Variants in ZNF470 observed in about 807,000 individuals in gnomAD.
ZNF470 encodes the protein chondrogenesis zinc finger protein 1.
Under a neutral mutation model 13.9 loss-of-function variants are expected in ZNF470, and 13 were observed. The ratio of observed to expected loss-of-function variants is 0.94; its 90% CI spans 0.61 to 1.49. The LOEUF is 1.49. Ranked by LOEUF, ZNF470 falls within the 40% of genes most tolerant of loss-of-function variation. ZNF470 has a pLI of 0.00. For synonymous variants in ZNF470, 293 were observed against 282.9 expected (o/e 1.04, Z -0.36); for missense variants, 929 against 857.3 (o/e 1.08, Z -1.04).
Position 56,578,526 on chromosome 19 carries a change from T to C in ZNF470, c.2097T>C (p.His699=), listed in dbSNP as rs542352218. The C allele has an allele frequency of 1.4e-5, 22 of 1,593,698 alleles. 1 individual carries two copies. The South Asian group carries it at 2.2e-4, about 16-fold the overall frequency. Residue 699 remains histidine (H), a synonymous_variant, in exon 6 of 6, where the codon CAT becomes CAC. Coordinates refer to ENST00000330619, the MANE Select transcript of ZNF470 (RefSeq NM_001001668.4). Reference sequence around the variant, plus strand: ...ATCTTGCTCATCATCAGCGAATTCATACCGGAGAGTCATCAGTTATTCTCT... The same window carrying C: ...ATCTTGCTCATCATCAGCGAATTCACACCGGAGAGTCATCAGTTATTCTCT... ...SVHLAHHQRI[H]TGESSVILSS... is the part of the protein sequence containing the mutation.
Position 56,567,568 on chromosome 19 carries a change from C to G in ZNF470, c.-629C>G, listed in dbSNP as rs62124110. On this transcript the variant is annotated 5_prime_UTR_variant, in exon 1 of 6. Transcript: ENST00000330619. ...CAGCGGCCGAGGCTGGACTGGGGCGCGGCGGGGGCGGTGTCCTGGTTCCTG... is the reference window on the plus strand; with the variant it reads ...CAGCGGCCGAGGCTGGACTGGGGCGGGGCGGGGGCGGTGTCCTGGTTCCTG... 15 of 986,850 alleles carry G rather than the reference C, an allele frequency of 1.5e-5. No homozygotes were observed. Among genetic ancestry groups the G allele is most frequent in the Non-Finnish European group, 1.8e-5 (15 of 831,150 alleles). 61.1% of individuals were successfully genotyped at this position (986,850 alleles called of 1,614,324 possible). A position where few individuals can be genotyped will look rare whatever the true frequency, so the allele number is the denominator to read the frequency against.
chr19:56,578,937 TA>T lies in ZNF470; in HGVS notation c.*356del. ...ATTAAGCAGCAAGTAAACCAAACAG[TA>T]AGTCTAAGACTAAGATTTTAGAGCA... On this transcript the variant is annotated 3_prime_UTR_variant, in exon 6 of 6. Transcript: ENST00000330619. The T allele has an allele frequency of 9.9e-7, 1 of 1,011,078 alleles. No homozygotes were observed. 62.6% of individuals were successfully genotyped at this position (1,011,078 alleles called of 1,614,324 possible). A position where few individuals can be genotyped will look rare whatever the true frequency, so the allele number is the denominator to read the frequency against.
intron 2 of ZNF470, 195 bp from the exon 3 acceptor site, chr19:56,570,085 C>T: frequency 2.0e-6 from 1 of 511,150 alleles, no homozygotes; most frequent in Non-Finnish European, 3.5e-6. Flanking sequence ...AGATATTATG[C>T]TCATCCTGAA....
chr19:56,579,283 G>A lies in ZNF470; in HGVS notation c.*700G>A, dbSNP rs184996849. The A allele has an allele frequency of 6.7e-6, 4 of 596,374 alleles. No individual in the cohort carries two copies. Among genetic ancestry groups the A allele is most frequent in the African/African-American group, 2.0e-5 (1 of 49,290 alleles). 36.9% of individuals were successfully genotyped at this position (596,374 alleles called of 1,614,324 possible). On this transcript the variant is annotated 3_prime_UTR_variant, in exon 6 of 6. Coordinates refer to ENST00000330619, the MANE Select transcript of ZNF470 (RefSeq NM_001001668.4). ...CAAAAAATACAGAAATTAGCCAGGC[G>A]TGGTGGTGCACACCTGTAGTCCTAG...
rs2044491144 is a variant in ZNF470 at position 56,576,746 on chromosome 19, C to A, written c.317C>A (p.Ser106Tyr). ...LECVWVTKSL[S>Y]LNQDIYEEKL... ...TGTGTGTGGGTGACCAAATCATTAT[C>A]TTTAAACCAGGATATTTATGAAGAA... is the stretch of plus-strand genomic sequence containing the variant. The change falls in exon 6 of 6, where the codon TCT (serine) becomes TAT (tyrosine). Residue 106 changes from serine (S) to tyrosine (Y), a missense_variant. Physicochemically the swap from Ser to Tyr is moderately radical, Grantham distance 144. Transcript: ENST00000330619. 1.3e-6 allele frequency: 2 copies of A among 1,500,886 alleles called. No individual in the cohort carries two copies. Among genetic ancestry groups the A allele is most frequent in the African/African-American group, 2.8e-5 (2 of 71,294 alleles). 93.0% of individuals were successfully genotyped at this position (1,500,886 alleles called of 1,614,324 possible). A position where few individuals can be genotyped will look rare whatever the true frequency, so the allele number is the denominator to read the frequency against.
chr19:56,581,761 T>C lies in ZNF470; in HGVS notation c.*3178T>C, dbSNP rs1568498005. The C allele has an allele frequency of 5.1e-6, 5 of 985,438 alleles. No homozygotes were observed. Among genetic ancestry groups the C allele is most frequent in the Non-Finnish European group, 6.0e-6 (5 of 829,934 alleles). 61.0% of individuals were successfully genotyped at this position (985,438 alleles called of 1,614,324 possible). A position where few individuals can be genotyped will look rare whatever the true frequency, so the allele number is the denominator to read the frequency against. ...TCCTTTTGGCTGCACTATCTCATCT[T>C]TTCCTTTTGAGTAACTGGCCATACC... is the stretch of plus-strand genomic sequence containing the variant. On this transcript the variant is annotated 3_prime_UTR_variant, in exon 6 of 6. Coordinates refer to ENST00000330619, the MANE Select transcript of ZNF470 (RefSeq NM_001001668.4).
chr19:56,571,735 A>G (rs557964286), intron 3 of ZNF470, among the ~76,000 whole-genome samples: 2 of 150,710 alleles, frequency 1.3e-5, no homozygotes, highest in Non-Finnish European at 3.0e-5. Flanking sequence ...CAGCCTCCCA[A>G]GTAGCTGGGA....
At chr19:56,575,998 T>TA (rs1272822762) in intron 5 of ZNF470, among the ~76,000 whole-genome samples, 1 of 152,000 alleles carries the variant, frequency 6.6e-6, no homozygotes, top group African/African-American at 2.4e-5. Context: ...CTACTGAAAA[T>TA]AAAGTATTGT....
At position 56,573,864 on chromosome 19, in the gene ZNF470, C is replaced by T. The variant is rs564351153; in HGVS notation, c.61-530C>T. 2.5e-4 allele frequency: 148 copies of T among 601,600 alleles called. No individual in the cohort carries two copies. In the African/African-American group the frequency reaches 2.6e-3, roughly 10 times the overall value. The allele number at this position is 601,600 out of a possible 1,614,324, so 37.3% of individuals were successfully genotyped here. A position where few individuals can be genotyped will look rare whatever the true frequency, so the allele number is the denominator to read the frequency against. On this transcript the variant is annotated intron_variant, in intron 3 of 5. Transcript: ENST00000330619. The stretch of plus-strand genomic sequence containing the variant: ...TCCTAATACAAATATACTTTTATTT[C>T]AGAAGAAAAGACTATAGCTAGGTGT...
rs764376742 is a variant in ZNF470, at chr19:56,581,015, C to CTT, written c.*2434_*2435dup. The CTT allele has an allele frequency of 1.6e-4, 157 of 985,072 alleles. 1 individual carries two copies. In the African/African-American group the frequency reaches 1.6e-3, roughly 10 times the overall value. The allele number at this position is 985,072 out of a possible 1,614,324, so 61.0% of individuals were successfully genotyped here. A position where few individuals can be genotyped will look rare whatever the true frequency, so the allele number is the denominator to read the frequency against. ...ATATGTACCCTCGGTTTGAAATAGA[C>CTT]TTTAAGCACTAATGCATAACCCCAA... On this transcript the variant is annotated 3_prime_UTR_variant, in exon 6 of 6. Coordinates refer to ENST00000330619, the MANE Select transcript of ZNF470 (RefSeq NM_001001668.4).
At chr19:56,571,901 A>T (rs553827366) in intron 3 of ZNF470, among the ~76,000 whole-genome samples, 1 of 151,660 alleles carries the variant, frequency 6.6e-6, no homozygotes, top group African/African-American at 2.4e-5. Context: ...TCCAGGTGTG[A>T]GCCACTGTGC....
rs1010605582 is a variant in ZNF470, at chr19:56,579,311, A to G, written c.*728A>G. Reference sequence around the variant, plus strand: ...GTGGTGCACACCTGTAGTCCTAGCTACTCAGGAGGCTGAAGCAGGAGGATT... The same window carrying G: ...GTGGTGCACACCTGTAGTCCTAGCTGCTCAGGAGGCTGAAGCAGGAGGATT... On this transcript the variant is annotated 3_prime_UTR_variant, in exon 6 of 6. Transcript: ENST00000330619. 2.4e-5 allele frequency: 14 copies of G among 590,310 alleles called. No individual in the cohort carries two copies. The African/African-American group carries it at 3.1e-4, about 13-fold the overall frequency. The allele number at this position is 590,310 out of a possible 1,614,324, so 36.6% of individuals were successfully genotyped here.
rs765560181 is a variant in ZNF470 at position 56,574,638 on chromosome 19, G to A, written c.188G>A (p.Gly63Asp). 4.3e-6 allele frequency: 7 copies of A among 1,613,094 alleles called. No homozygotes were observed. In the South Asian group the frequency reaches 6.6e-5, roughly 15 times the overall value. ...LENYRNLVSV[G>D]LCISKPDVIS... is the part of the protein sequence containing the mutation. ...TTTTTATATGTCTTTTTACATGCAG[G>A]TCTTTGCATTTCTAAACCAGATGTG... The change falls in exon 5 of 6, where the codon GGT becomes GAT. Residue 63 changes from glycine (G) to aspartate (D), a missense_variant and splice_region_variant. Physicochemically the swap from Gly to Asp is moderately conservative, Grantham distance 94 (BLOSUM62 -1). Transcript: ENST00000330619.
chr19:56,579,968 A>G lies in ZNF470; in HGVS notation c.*1385A>G. On this transcript the variant is annotated 3_prime_UTR_variant, in exon 6 of 6. Coordinates refer to ENST00000330619, the MANE Select transcript of ZNF470 (RefSeq NM_001001668.4). ...AACATTTGCTAATGTTTCACACACT[A>G]TTTTAGGTGCTGGGGGATACAGTAA... 2.7e-5 allele frequency: 8 copies of G among 292,202 alleles called. No homozygotes were observed. The highest frequency in any genetic ancestry group is 4.1e-5 in the Non-Finnish European group (8 of 196,882). The allele number at this position is 292,202 out of a possible 1,614,324, so 18.1% of individuals were successfully genotyped here.
chr19:56,574,829 T>C, intron 5 of ZNF470, 96 bp downstream of exon 5: 1 of 1,077,658 alleles, frequency 9.3e-7, no homozygotes. Context: ...CCTCCCAAAC[T>C]GAAACTTGTT....
chr19:56,572,573 T>C (rs1329282596), intron 3 of ZNF470, among the ~76,000 whole-genome samples: 1 of 145,296 alleles, frequency 6.9e-6, no homozygotes, highest in South Asian at 2.1e-4. Context: ...AGCAGTCAGA[T>C]TGGGGAAAAA....
intron 3 of ZNF470, among the ~76,000 whole-genome samples, chr19:56,572,431 A>T (rs1211846135): frequency 3.1e-5 from 4 of 129,214 alleles, no homozygotes; most frequent in Non-Finnish European, 6.2e-5. Context: ...AATCCCAGCT[A>T]TTCAAGAGGC....
chr19:56,579,896 A>G lies in ZNF470; in HGVS notation c.*1313A>G, dbSNP rs2044522692. The G allele has an allele frequency of 2.3e-6, 1 of 427,248 alleles. No individual in the cohort carries two copies. Among genetic ancestry groups the G allele is most frequent in the East Asian group, 1.6e-4 (1 of 6,328 alleles). 26.5% of individuals were successfully genotyped at this position (427,248 alleles called of 1,614,324 possible). A position where few individuals can be genotyped will look rare whatever the true frequency, so the allele number is the denominator to read the frequency against. On this transcript the variant is annotated 3_prime_UTR_variant, in exon 6 of 6. Coordinates refer to ENST00000330619, the MANE Select transcript of ZNF470 (RefSeq NM_001001668.4). ...TGATCATCTGTAGAATTTTGATTTT[A>G]ACGAGGAATGTAGTTTACATTAGGA...
chr19:56,573,920 T>G (rs1378154461), intron 3 of ZNF470: 3 of 981,764 alleles, frequency 3.1e-6, no homozygotes, highest in East Asian at 1.1e-4. Flanking sequence ...GGCATACCTC[T>G]TAACATCTCA....
Sources: gnomAD v4.1 joint callset for allele counts (sites outside exome capture counted in the v4.1 genomes callset) on GRCh38, gnomAD v4.1.1 for gene constraint, MANE v1.5 for transcripts, NCBI Gene and HGNC (gene_info 2026-07-23, HGNC 2026-07-21) for gene names.